USP42: variants seen among roughly 807,000 people sequenced by gnomAD.
USP42 encodes ubiquitin carboxyl-terminal hydrolase 42.
In USP42, 23 loss-of-function variants were observed where a neutral mutation model predicts 113.0. The ratio of observed to expected loss-of-function variants is 0.20; its 90% CI spans 0.15 to 0.29. The LOEUF is 0.29. Ranked by LOEUF, USP42 falls within the 10% of genes least tolerant of loss-of-function variation. The pLI is 1.00. For synonymous variants in USP42, 933 were observed against 699.0 expected, an observed-to-expected ratio of 1.33 and a Z score of -5.28; for missense variants, 2,174 against 1,779.8, an observed-to-expected ratio of 1.22 and a Z score of -3.99.
intron 3 of USP42, among the ~76,000 whole-genome samples, chr7:6,135,170 T>G (rs1428974444): frequency 6.6e-6 from 1 of 152,166 alleles, no homozygotes; most frequent in Non-Finnish European, 1.5e-5. Context: ...GGAAAAACCT[T>G]GCTTTTCCTG....
chr7:6,139,274 CT>C lies in USP42; in HGVS notation c.656+86del. The stretch of plus-strand genomic sequence containing the variant: ...TATTCTTATCAGAATTCATTTTCAC[CT>C]TTTTTGTTGGAAGCACACAGAACAG... On this transcript the variant is annotated intron_variant, in intron 5 of 17. Coordinates refer to ENST00000306177, the MANE Select transcript of USP42 (RefSeq NM_032172.3). The surrounding 1 kb of genome is among the most constrained non-coding windows in gnomAD (Gnocchi z 4.5). 8.3e-6 allele frequency: 10 copies of C among 1,201,440 alleles called. No individual in the cohort carries two copies. The highest frequency in any genetic ancestry group is 9.2e-6 in the Non-Finnish European group (8 of 869,038). The allele number at this position is 1,201,440 out of a possible 1,614,324, so 74.4% of individuals were successfully genotyped here.
In USP42 at chr7:6,154,235, A is replaced by G; in HGVS notation, c.2681A>G (p.Glu894Gly). 3 of 1,606,262 alleles carry G rather than the reference A, an allele frequency of 1.9e-6. No individual in the cohort carries two copies. In the East Asian group the frequency reaches 6.7e-5, roughly 36 times the overall value. ...QDPSQSLGAP[E>G]AAERPPAPVL... ...CCATCCCAGAGCTTGGGCGCACCCG[A>G]GGCCGCAGAGCGGCCGCCAGCTCCT... Residue 894 changes from glutamate to glycine, a missense_variant, in exon 15 of 18, where the codon GAG becomes GGG. Physicochemically the swap from Glu to Gly is moderately conservative, Grantham distance 98. Coordinates refer to ENST00000306177, the MANE Select transcript of USP42 (RefSeq NM_032172.3).
intron 3 of USP42, among the ~76,000 whole-genome samples, chr7:6,117,349 A>C (rs1779967267): frequency 6.6e-6 from 1 of 152,160 alleles, no homozygotes; most frequent in Non-Finnish European, 1.5e-5. Flanking sequence ...AATCCTGTCA[A>C]CATTATTCCA....
intron 4 of USP42, 51 bp downstream of exon 4, chr7:6,136,002 C>CTTTTTTTTTT (rs11322306): frequency 3.6e-6 from 2 of 549,398 alleles, no homozygotes; most frequent in Non-Finnish European, 2.7e-6. Flanking sequence ...CCTAGTTATA[C>CTTTTTTTTTT]TTTTTTTTTT....
intron 4 of USP42, among the ~76,000 whole-genome samples, chr7:6,138,574 A>C (rs1781276350): frequency 6.6e-6 from 1 of 152,118 alleles, no homozygotes; most frequent in Non-Finnish European, 1.5e-5. Context: ...GTGGACTTTT[A>C]ATGGTGTAAA....
intron 1 of USP42, among the ~76,000 whole-genome samples, chr7:6,108,877 G>A (rs1359201274): frequency 6.6e-6 from 1 of 152,196 alleles, no homozygotes; most frequent in Non-Finnish European, 1.5e-5. Context: ...ACAAGCTGGT[G>A]CTAAAAGCAA....
intron 10 of USP42, 142 bp downstream of exon 10, chr7:6,145,798 A>G: frequency 3.0e-6 from 3 of 1,004,404 alleles, no homozygotes; most frequent in South Asian, 1.6e-5. Context: ...GGCCGGGCGC[A>G]GTGGCTTACT....
the USP42 span, among the ~76,000 whole-genome samples, chr7:6,093,767 C>G: frequency 1.3e-5 from 2 of 150,500 alleles, no homozygotes; most frequent in African/African-American, 5.0e-5. Flanking sequence ...TGTGACCAAT[C>G]TATTTTTCAC....
At position 6,140,932 on chromosome 7, in the gene USP42, A is replaced by C; in HGVS notation, c.743A>C (p.Lys248Thr). 1 of 1,562,026 alleles carries C rather than the reference A, an allele frequency of 6.4e-7. No individual in the cohort carries two copies. The highest frequency in any genetic ancestry group is 8.7e-7 in the Non-Finnish European group (1 of 1,147,520). Reference protein sequence around the residue: ...LRSRVKCLNCKGVSDTFDPYL... With the variant: ...LRSRVKCLNCTGVSDTFDPYL... ...ATTTCAGTCAAATGTTTAAATTGCA[A>C]GGGCGTTTCAGATACTTTTGATCCA... is the stretch of plus-strand genomic sequence containing the variant. Residue 248 changes from lysine (K) to threonine (T), a missense_variant, in exon 7 of 18, where the codon AAG (lysine) becomes ACG (threonine). Transcript: ENST00000306177.
chr7:6,132,028 G>A (rs1221188032), intron 3 of USP42, among the ~76,000 whole-genome samples: 1 of 152,162 alleles, frequency 6.6e-6, no homozygotes, highest in African/African-American at 2.4e-5. Context: ...AACCTCTTGG[G>A]CTCAAGTAAT....
chr7:6,144,114 G>T lies in USP42; in HGVS notation c.908G>T (p.Arg303Met), dbSNP rs1300530653. The T allele has an allele frequency of 6.3e-7, 1 of 1,577,764 alleles. No homozygotes were observed. Among genetic ancestry groups the T allele is most frequent in the African/African-American group, 1.4e-5 (1 of 72,546 alleles). ...KCKKMVPASK[R>M]FTIHRSSNVL... Reference sequence around the variant, plus strand: ...AAAAAGATGGTTCCAGCTTCAAAGAGGTTCACTATCCATAGATCCTCTAAT... The same window carrying T: ...AAAAAGATGGTTCCAGCTTCAAAGATGTTCACTATCCATAGATCCTCTAAT... Residue 303 changes from arginine (R) to methionine (M), a missense_variant, in exon 9 of 18, where the codon AGG becomes ATG. Arg to Met is a moderately conservative substitution (Grantham distance 91). Coordinates refer to ENST00000306177, the MANE Select transcript of USP42 (RefSeq NM_032172.3).
Position 6,135,951 on chromosome 7 carries a change from C to A in USP42, c.553C>A (p.Arg185Ser). 6.4e-7 allele frequency: 1 copy of A among 1,558,786 alleles called. No individual in the cohort carries two copies. The highest frequency in any genetic ancestry group is 8.7e-7 in the Non-Finnish European group (1 of 1,143,000). The change falls in exon 4 of 18, where the codon CGT becomes AGT. Residue 185 changes from arginine to serine, a missense_variant and splice_region_variant. Coordinates refer to ENST00000306177, the MANE Select transcript of USP42 (RefSeq NM_032172.3). ...KPMFVINEMR[R>S]IARHFRFGNQ... is the part of the protein sequence containing the mutation. ...AATGTTTGTCATCAATGAGATGCGG[C>A]GTAAGTATTAACTATTGTAGTTTTA...
At chr7:6,093,335 GAGTGC>G in the USP42 span, among the ~76,000 whole-genome samples, 12 of 148,522 alleles carry the variant, frequency 8.1e-5, 1 homozygote, top group African/African-American at 2.8e-4. Context: ...GCCCAGGCTG[GAGTGC>G]AGTGGCAGGA....
chr7:6,149,030 T>G (rs188906525), intron 12 of USP42, among the ~76,000 whole-genome samples: 47 of 152,302 alleles, frequency 3.1e-4, no homozygotes, highest in African/African-American at 1.1e-3. Context: ...TTAACTGACT[T>G]TCACGCCTGC....
rs572094445 is a variant in USP42, at chr7:6,158,534, C to A, written c.3944-916C>A. ...CATGCATTGTTGATTGAGGGGTAAA[C>A]GGTCCTTAGAGTGTGTGAGAGAGAG... On this transcript the variant is annotated intron_variant, in intron 16 of 17. Transcript: ENST00000306177. The surrounding 1 kb of genome is among the most constrained non-coding windows in gnomAD (Gnocchi z 4.2). 6.6e-6 allele frequency among the ~76,000 whole-genome samples: 1 copy of A among 152,132 alleles called. No homozygotes were observed. The highest frequency in any genetic ancestry group is 2.4e-5 in the African/African-American group (1 of 41,428).
chr7:6,150,354 G>C, intron 13 of USP42, 52 bp downstream of exon 13: 1 of 1,609,342 alleles, frequency 6.2e-7, no homozygotes, highest in Non-Finnish European at 8.5e-7. Context: ...CCCTTGGCTG[G>C]ATTTCAGGAG....
At chr7:6,160,438 TCTC>T (rs10590782) in intron 17 of USP42, 114 bp from the exon 18 acceptor site, 23,184 of 152,448 alleles carry the variant, frequency 0.15, 2,140 homozygotes, top group African/African-American at 0.25. Context: ...GGCAGAGTGA[TCTC>T]CTCAAGGAAG....
At chr7:6,112,900 CTTTT>C (rs34002709) in intron 2 of USP42, among the ~76,000 whole-genome samples, 2 of 102,768 alleles carry the variant, frequency 1.9e-5, no homozygotes, top group East Asian at 2.9e-4. Context: ...TAGTAAGTTT[CTTTT>C]TTTTTTTTTT....
Position 6,154,043 on chromosome 7 carries a change from C to T in USP42, c.2489C>T (p.Pro830Leu), listed in dbSNP as rs370300954. The T allele has an allele frequency of 5.8e-5, 93 of 1,605,456 alleles. No homozygotes were observed. Among genetic ancestry groups the T allele is most frequent in the African/African-American group, 3.2e-4 (24 of 74,926 alleles). Reference protein sequence around the residue: ...DPGSLTGDASPLSQDAKGMIA... With the variant: ...DPGSLTGDASLLSQDAKGMIA... ...GGGAGCTTAACAGGCGATGCGAGCCCGTTGTCCCAGGACGCAAAGGGGATG... is the reference window on the plus strand; with the variant it reads ...GGGAGCTTAACAGGCGATGCGAGCCTGTTGTCCCAGGACGCAAAGGGGATG... The change falls in exon 15 of 18, where the codon CCG (proline) becomes CTG (leucine). Residue 830 changes from proline to leucine, a missense_variant. Transcript: ENST00000306177.
Sources: gnomAD v4.1 joint callset for allele counts (sites outside exome capture counted in the v4.1 genomes callset) on GRCh38, gnomAD v4.1.1 for gene constraint, Gnocchi (gnomAD v3.1) non-coding constraint, MANE v1.5 for transcripts, NCBI Gene and HGNC (gene_info 2026-07-23, HGNC 2026-07-21) for gene names.